The following SBK1 variants were observed in gnomAD, a reference collection of about 807,000 sequenced individuals.
The protein encoded by SBK1 is SH3 domain binding kinase 1.
In SBK1, 11 loss-of-function variants were observed where a neutral mutation model predicts 24.4. The observed-to-expected ratio is 0.45, with a 90% CI of 0.28 to 0.75. The LOEUF is 0.75. Among genes scored for constraint, SBK1 ranks in the 30% least tolerant of loss-of-function variants. The pLI is 0.12. For synonymous variants in SBK1, 308 were observed against 284.4 expected (o/e 1.08, Z -0.83); for missense variants, 467 against 620.5 (o/e 0.75, Z 2.63).
At chr16:28,273,939 A>G (rs2044482097) in intron 1 of SBK1, among the ~76,000 whole-genome samples, 1 of 152,244 alleles carries the variant, frequency 6.6e-6, no homozygotes, top group South Asian at 2.1e-4. Flanking sequence ...TTAAATGTGT[A>G]TTGCTACGTG....
chr16:28,270,436 T>C (rs1249332211), intron 1 of SBK1, among the ~76,000 whole-genome samples: 1 of 150,852 alleles, frequency 6.6e-6, no homozygotes, highest in East Asian at 1.9e-4. Context: ...TTATTATTAT[T>C]ATTACTAAAG....
chr16:28,298,200 C>A (rs1349727723), intron 1 of SBK1, among the ~76,000 whole-genome samples: 3 of 152,222 alleles, frequency 2.0e-5, no homozygotes, highest in Non-Finnish European at 4.4e-5. Flanking sequence ...TCCTCCCCAG[C>A]CACCCTCCCA....
chr16:28,314,006 C>G (rs1056572956), intron 1 of SBK1, among the ~76,000 whole-genome samples: 1 of 122,674 alleles, frequency 8.2e-6, no homozygotes, highest in African/African-American at 3.1e-5. Flanking sequence ...GTGATGATGA[C>G]GAGAACAACA....
chr16:28,284,028 C>T (rs535742542), intron 1 of SBK1, among the ~76,000 whole-genome samples: 10 of 152,318 alleles, frequency 6.6e-5, no homozygotes, highest in Middle Eastern at 3.4e-3. Flanking sequence ...CCCTGAGCAG[C>T]GTGTTGTACG....
Position 28,259,550 on chromosome 16 carries a change from G to A in SBK1, c.257+48G>A, listed in dbSNP as rs184209011. 1.5e-4 allele frequency: 94 copies of A among 634,914 alleles called. No individual in the cohort carries two copies. Among genetic ancestry groups the A allele is most frequent in the Admixed American group, 5.7e-4 (9 of 15,842 alleles). The allele number at this position is 634,914 out of a possible 1,614,324, so 39.3% of individuals were successfully genotyped here. A position where few individuals can be genotyped will look rare whatever the true frequency, so the allele number is the denominator to read the frequency against. On this transcript the variant is annotated intron_variant, in intron 1 of 3. Coordinates refer to the SBK1 transcript ENST00000671413. The surrounding 1 kb of genome is among the most constrained non-coding windows in gnomAD (Gnocchi z 6.0). ...TGGGTGGGCAGCAGGTGGGCACAGC[G>A]CTCGACCCAGGGTGCCTGTGGGCCT... is the stretch of plus-strand genomic sequence containing the variant.
intron 1 of SBK1, among the ~76,000 whole-genome samples, chr16:28,271,492 G>T (rs1255534474): frequency 6.6e-6 from 1 of 152,164 alleles, no homozygotes. Context: ...GGGAGGCGGA[G>T]GTTGCAGTGA....
intron 1 of SBK1, among the ~76,000 whole-genome samples, chr16:28,262,683 C>G (rs563597393): frequency 6.6e-6 from 1 of 152,186 alleles, no homozygotes. Flanking sequence ...CAAGAGACAG[C>G]CCCACAGAAA....
rs759026151 is a variant in SBK1, at chr16:28,281,319, C to T, written c.257+21817C>T. ...CTGCTCCACCCCAGCCTGCCTCCTCCGGGCCAGCTCAGCCAAGCCTCCCTC... is the reference window on the plus strand; with the variant it reads ...CTGCTCCACCCCAGCCTGCCTCCTCTGGGCCAGCTCAGCCAAGCCTCCCTC... On this transcript the variant is annotated intron_variant, in intron 1 of 3. Coordinates refer to the SBK1 transcript ENST00000671413. Among the ~76,000 whole-genome samples, 157 of 152,264 alleles carry T rather than the reference C, an allele frequency of 1.0e-3. 1 individual carries two copies. The highest frequency in any genetic ancestry group is 2.6e-4 in the Non-Finnish European group (18 of 68,008).
At chr16:28,315,508 C>T (rs1008140577) in intron 1 of SBK1, among the ~76,000 whole-genome samples, 1 of 152,172 alleles carries the variant, frequency 6.6e-6, no homozygotes, top group African/African-American at 2.4e-5. Context: ...ACGCTGTAGT[C>T]CCAGCACTTT....
At chr16:28,272,627 T>C (rs536565243) in intron 1 of SBK1, among the ~76,000 whole-genome samples, 1 of 138,716 alleles carries the variant, frequency 7.2e-6, no homozygotes, top group South Asian at 2.4e-4. Flanking sequence ...TTCTTTTTTT[T>C]TTTTTTTTTT....
chr16:28,298,491 C>G (rs575280923), intron 1 of SBK1, among the ~76,000 whole-genome samples: 2 of 152,362 alleles, frequency 1.3e-5, no homozygotes, highest in Admixed American at 1.3e-4. Flanking sequence ...TCTCTGGCTG[C>G]GTGACCTTGG....
At chr16:28,294,420 C>T (rs1334111329) in intron 1 of SBK1, among the ~76,000 whole-genome samples, 1 of 152,186 alleles carries the variant, frequency 6.6e-6, no homozygotes, top group Non-Finnish European at 1.5e-5. Flanking sequence ...AGGCAGGACC[C>T]AGGATACAGC....
intron 1 of SBK1, among the ~76,000 whole-genome samples, chr16:28,304,169 C>G (rs2044699359): frequency 6.6e-6 from 1 of 152,220 alleles, no homozygotes; most frequent in South Asian, 2.1e-4. Flanking sequence ...AAGTGTCTGT[C>G]ATTCAGAGTT....
intron 1 of SBK1, among the ~76,000 whole-genome samples, chr16:28,263,272 A>G (rs2044408351): frequency 6.6e-6 from 1 of 152,206 alleles, no homozygotes; most frequent in Non-Finnish European, 1.5e-5. Context: ...TGGGGTTTAT[A>G]TCTAATGAGG....
At chr16:28,315,599 A>G (rs190328868) in intron 1 of SBK1, among the ~76,000 whole-genome samples, 67 of 152,200 alleles carry the variant, frequency 4.4e-4, no homozygotes, top group African/African-American at 8.4e-4. Context: ...CATCTCTCCA[A>G]AAAATTTAAA....
intron 1 of SBK1, among the ~76,000 whole-genome samples, chr16:28,306,606 A>C (rs2044718212): frequency 1.3e-5 from 2 of 152,180 alleles, no homozygotes; most frequent in Non-Finnish European, 2.9e-5. Flanking sequence ...CAGGGCTCCA[A>C]CATTTCCAAG....
intron 1 of SBK1, among the ~76,000 whole-genome samples, chr16:28,297,392 A>C (rs913644764): frequency 1.3e-4 from 20 of 152,168 alleles, no homozygotes; most frequent in Non-Finnish European, 2.6e-4. Flanking sequence ...GGCATTGTGG[A>C]GTAGCTGGGC....
chr16:28,286,613 T>C (rs2044566751), intron 1 of SBK1: 1 of 152,126 alleles, frequency 6.6e-6, no homozygotes, highest in African/African-American at 2.4e-5. Context: ...AGATGGAGGT[T>C]GCCAAGATCA....
intron 1 of SBK1, among the ~76,000 whole-genome samples, chr16:28,306,067 G>A (rs930314657): frequency 1.3e-5 from 2 of 152,050 alleles, no homozygotes; most frequent in Non-Finnish European, 2.9e-5. Flanking sequence ...TAAGCAGATC[G>A]ATCCCATCTG....
Sources: allele counts gnomAD v4.1 joint callset (sites outside exome capture counted in the v4.1 genomes callset), GRCh38; gene constraint gnomAD v4.1.1; non-coding constraint Gnocchi (gnomAD v3.1); transcripts MANE v1.5; gene names NCBI Gene and HGNC (gene_info 2026-07-23, HGNC 2026-07-21).